The following PLS3 variants were observed in gnomAD, a reference collection of about 807,000 sequenced individuals.
PLS3 encodes plastin 3, also known as plastin-3.
PLS3 carries 11 observed loss-of-function variants against 46.5 expected under a neutral mutation model. That is an observed-to-expected ratio of 0.24 (90% CI 0.15 to 0.39). The LOEUF (loss-of-function observed/expected upper bound fraction) is 0.39, where lower values mean the gene tolerates loss of function less well. Ranked by LOEUF, PLS3 falls within the 10% of genes least tolerant of loss-of-function variation. The pLI, the probability that PLS3 is intolerant of heterozygous loss-of-function variation, is 1.00. For synonymous variants in PLS3, 167 were observed against 162.2 expected (o/e 1.03, Z -0.22); for missense variants, 308 against 461.8 (o/e 0.67, Z 3.05).
Position 115,645,106 on chromosome X carries a change from C to G in PLS3, c.1262+7C>G. The G allele has an allele frequency of 9.5e-7, 1 of 1,052,123 alleles. No individual in the cohort carries two copies. Among genetic ancestry groups the G allele is most frequent in the Non-Finnish European group, 1.3e-6 (1 of 754,142 alleles). 86.7% of individuals were successfully genotyped at this position (1,052,123 alleles called of 1,213,427 possible). A position where few individuals can be genotyped will look rare whatever the true frequency, so the allele number is the denominator to read the frequency against. ...ACGTAAACCATCTCTATGCGTAAGC[C>G]TTCCTACTGCTATTGTAAACAGTTA... On this transcript the variant is annotated splice_region_variant and intron_variant, in intron 11 of 15. Coordinates refer to ENST00000355899, the MANE Select transcript of PLS3 (RefSeq NM_005032.7).
intron 5 of PLS3, among the ~76,000 whole-genome samples, chrX:115,632,492 G>A: frequency 1.8e-5 from 2 of 110,701 alleles, no homozygotes; most frequent in African/African-American, 6.6e-5. Flanking sequence ...AAAATAAAAT[G>A]TTAAAGTCTA....
intron 2 of PLS3, among the ~76,000 whole-genome samples, chrX:115,620,003 A>G (rs923280120): frequency 1.1e-4 from 12 of 112,661 alleles, no homozygotes; most frequent in African/African-American, 3.2e-4. Context: ...CATTCAAAAT[A>G]TTTGCAAGAT....
chrX:115,574,770 G>T (rs1276194649), intron 1 of PLS3, among the ~76,000 whole-genome samples: 1 of 111,467 alleles, frequency 9.0e-6, no homozygotes, highest in Non-Finnish European at 1.9e-5. Context: ...GTAGAGACAG[G>T]GTTTCTCTAT....
At chrX:115,621,652 G>A (rs1048135318) in intron 2 of PLS3, among the ~76,000 whole-genome samples, 7 of 111,126 alleles carry the variant, frequency 6.3e-5, no homozygotes. Context: ...AAAATTAAAA[G>A]GTTATTTATA....
intron 9 of PLS3, 129 bp downstream of exon 9, chrX:115,640,632 C>T: frequency 2.5e-6 from 1 of 406,330 alleles, no homozygotes; most frequent in Non-Finnish European, 4.3e-6. Flanking sequence ...AAATGTATTA[C>T]TGTACATGTA....
At chrX:115,621,163 G>A (rs1263396422) in intron 2 of PLS3, among the ~76,000 whole-genome samples, 4 of 109,261 alleles carry the variant, frequency 3.7e-5, no homozygotes, top group Non-Finnish European at 5.7e-5. Context: ...ACGGGTGCCC[G>A]CCACCACGCC....
chrX:115,642,950 G>A, intron 9 of PLS3, among the ~76,000 whole-genome samples: 1 of 111,737 alleles, frequency 8.9e-6, no homozygotes, highest in Non-Finnish European at 1.9e-5. Flanking sequence ...TTTTCCTATT[G>A]AGAAGGAAAA....
chrX:115,570,607 C>T (rs781989294), intron 1 of PLS3, among the ~76,000 whole-genome samples: 11 of 103,242 alleles, frequency 1.1e-4, no homozygotes, highest in Non-Finnish European at 1.6e-4. Flanking sequence ...GGGGCTCAAG[C>T]GATCTCCGTG....
chrX:115,576,199 A>G (rs1556631177), intron 1 of PLS3, among the ~76,000 whole-genome samples: 1 of 112,328 alleles, frequency 8.9e-6, no homozygotes, highest in Non-Finnish European at 1.9e-5. Flanking sequence ...GTATTTTGAC[A>G]GTAAGTTTGA....
chrX:115,601,163 G>C (rs782783438), intron 1 of PLS3, among the ~76,000 whole-genome samples: 2 of 109,971 alleles, frequency 1.8e-5, no homozygotes, highest in Non-Finnish European at 3.8e-5. Context: ...GAGAGACCCA[G>C]TGGTCTCTCC....
chrX:115,629,928 A>C lies in PLS3; in HGVS notation c.461A>C (p.Asp154Ala). 1 of 1,186,933 alleles carries C rather than the reference A, an allele frequency of 8.4e-7. No individual in the cohort carries two copies. The highest frequency in any genetic ancestry group is 1.1e-6 in the Non-Finnish European group (1 of 877,004). Reference protein sequence around the residue: ...RHVIPMNPNTDDLFKAVGDGI... With the variant: ...RHVIPMNPNTADLFKAVGDGI... ...GTTATACCAATGAACCCTAACACCG[A>C]TGACCTGTTCAAAGCTGTTGGTGAT... The change falls in exon 5 of 16, where the codon GAT becomes GCT. Residue 154 changes from aspartate to alanine, a missense_variant. By Grantham distance (126) the Asp-to-Ala change is moderately radical (BLOSUM62 -2). Transcript: ENST00000355899.
chrX:115,613,394 T>C (rs1200646452), intron 2 of PLS3, among the ~76,000 whole-genome samples: 1 of 111,689 alleles, frequency 9.0e-6, no homozygotes, highest in Non-Finnish European at 1.9e-5. Flanking sequence ...TTCGCTAGTA[T>C]ATAAAAACCA....
intron 1 of PLS3, among the ~76,000 whole-genome samples, chrX:115,609,925 T>C (rs996461452): frequency 2.7e-5 from 3 of 112,222 alleles, no homozygotes; most frequent in Non-Finnish European, 5.6e-5. Context: ...TTGGCTCATA[T>C]AACCAAGAAT....
chrX:115,649,461 C>G lies in PLS3; in HGVS notation c.1793C>G (p.Ala598Gly). The G allele has an allele frequency of 8.3e-7, 1 of 1,205,095 alleles. No homozygotes were observed. The highest frequency in any genetic ancestry group is 3.0e-5 in the East Asian group (1 of 33,824). Reference protein sequence around the residue: ...YAVSMARRIGARVYALPEDLV... With the variant: ...YAVSMARRIGGRVYALPEDLV... The stretch of plus-strand genomic sequence containing the variant: ...GTGTCAATGGCTAGAAGAATCGGAG[C>G]CAGAGTGTATGCTCTCCCTGAAGAC... Residue 598 changes from alanine (A) to glycine (G), a missense_variant, in exon 16 of 16, where the codon GCC becomes GGC. Coordinates refer to ENST00000355899, the MANE Select transcript of PLS3 (RefSeq NM_005032.7).
At chrX:115,623,303 C>T (rs1217154308) in intron 3 of PLS3, among the ~76,000 whole-genome samples, 3 of 111,366 alleles carry the variant, frequency 2.7e-5, no homozygotes, top group African/African-American at 9.8e-5. Context: ...CCAACTTGGG[C>T]AAGTTAGGGA....
intron 8 of PLS3, among the ~76,000 whole-genome samples, chrX:115,638,439 C>T (rs1282814972): frequency 9.1e-6 from 1 of 110,290 alleles, no homozygotes; most frequent in Non-Finnish European, 1.9e-5. Flanking sequence ...GAGATGGGGT[C>T]TCACTGTGTT....
At chrX:115,612,918 G>A (rs2074561149) in intron 2 of PLS3, among the ~76,000 whole-genome samples, 1 of 111,717 alleles carries the variant, frequency 9.0e-6, no homozygotes, top group African/African-American at 3.2e-5. Flanking sequence ...TGTACTTCAT[G>A]ATGTTTCAAA....
chrX:115,611,862 TTAAG>T (rs1239815304), intron 2 of PLS3, among the ~76,000 whole-genome samples: 1 of 111,641 alleles, frequency 9.0e-6, no homozygotes, highest in Non-Finnish European at 1.9e-5. Flanking sequence ...TTAAATTGTA[TTAAG>T]TAAGGGATCA....
chrX:115,647,341 G>A (rs2074962622), intron 13 of PLS3, among the ~76,000 whole-genome samples: 1 of 111,847 alleles, frequency 8.9e-6, no homozygotes, highest in South Asian at 3.8e-4. Flanking sequence ...GCTGAGGCAG[G>A]AGAATGGTGT....
Sources: allele counts gnomAD v4.1 joint callset (sites outside exome capture counted in the v4.1 genomes callset), GRCh38; gene constraint gnomAD v4.1.1; transcripts MANE v1.5; gene names NCBI Gene and HGNC (gene_info 2026-07-23, HGNC 2026-07-21).